TMEM182: variants seen among roughly 807,000 people sequenced by gnomAD.
TMEM182 encodes the protein transmembrane protein 182.
TMEM182 carries 20 observed loss-of-function variants against 26.8 expected under a neutral mutation model. That is an observed-to-expected ratio of 0.75 (90% confidence interval 0.53 to 1.09). The LOEUF (loss-of-function observed/expected upper bound fraction) is 1.09, where lower values mean the gene tolerates loss of function less well. Ranked by LOEUF, TMEM182 falls within the 50% of genes least tolerant of loss-of-function variation. TMEM182 has a pLI of 0.00. For missense variants in TMEM182, 277 were observed against 275.5 expected, an observed-to-expected ratio of 1.01 and a Z score of -0.04; for synonymous variants, 109 against 102.2, an observed-to-expected ratio of 1.07 and a Z score of -0.40.
chr2:102,792,038 G>GTA (rs1255435337), intron 3 of TMEM182, among the ~76,000 whole-genome samples: 3 of 93,774 alleles, frequency 3.2e-5, no homozygotes, highest in East Asian at 4.8e-4. Context: ...TTATATGTGT[G>GTA]TATACACACA....
intron 3 of TMEM182, among the ~76,000 whole-genome samples, chr2:102,771,302 A>G (rs1052706966): frequency 6.6e-6 from 1 of 152,186 alleles, no homozygotes; most frequent in African/African-American, 2.4e-5. Context: ...ACACAGTATC[A>G]CGTTACAGGA....
chr2:102,762,510 TA>T, intron 1 of TMEM182, 76 bp from the exon 2 acceptor site: 1 of 1,550,048 alleles, frequency 6.5e-7, no homozygotes, highest in Admixed American at 1.9e-5. Context: ...TACATGTCCT[TA>T]AAAATTTACT....
rs537084535 is a variant in TMEM182 at position 102,806,659 on chromosome 2, T to TTAA, written c.470-8070_470-8068dup. Reference sequence around the variant, plus strand: ...CATTAGCAGGAGCTCGTGCCAAAGCTTAATAATAATAATAATAATAACAAA... The same window carrying TTAA: ...CATTAGCAGGAGCTCGTGCCAAAGCTTAATAATAATAATAATAATAATAACAAA... On this transcript the variant is annotated intron_variant, in intron 4 of 4. Transcript: ENST00000412401. Among the ~76,000 whole-genome samples, 120 of 151,962 alleles carry TTAA rather than the reference T, an allele frequency of 7.9e-4. 1 individual carries two copies. The highest frequency in any genetic ancestry group is 4.8e-3 in the East Asian group (25 of 5,176).
At chr2:102,764,176 TTCC>T (rs947513320) in intron 2 of TMEM182, among the ~76,000 whole-genome samples, 150 bp from the exon 3 acceptor site, 2 of 152,224 alleles carry the variant, frequency 1.3e-5, no homozygotes, top group African/African-American at 4.8e-5. Context: ...CTAGAAGGCC[TTCC>T]TCCTCACAAC....
chr2:102,837,373 G>A lies in TMEM182; in HGVS notation c.326-6039G>A, dbSNP rs138381453. ...AGAGAAGAAAAGCATGAACAGCAAA[G>A]CATTGACTAGATTCTACCGATACAT... On this transcript the variant is annotated intron_variant, in intron 3 of 3. Transcript: ENST00000486293. Among the ~76,000 whole-genome samples the A allele has an allele frequency of 7.0e-3, 1,070 of 152,308 alleles. 13 individuals are homozygous for A. Among genetic ancestry groups the A allele is most frequent in the African/African-American group, 0.025 (1,027 of 41,564 alleles).
At chr2:102,818,758 C>CTATCTATG (rs10631831), downstream of TMEM182, among the ~76,000 whole-genome samples, 21,695 of 151,800 alleles carry the variant, frequency 0.14, 1,653 homozygotes, top group South Asian at 0.23. Context: ...ATCTATCTAT[C>CTATCTATG]TATCTATCTA....
rs369097269 is a variant in TMEM182 at position 102,789,268 on chromosome 2, T to G, written c.332-8595T>G. ...CAAGTTTTGAAAAATGAATAACACT[T>G]AAGTTTATCTTTAAGCTGCAAATAA... On this transcript the variant is annotated intron_variant, in intron 3 of 4. Transcript: ENST00000412401. Among the ~76,000 whole-genome samples, 3 of 152,308 alleles carry G rather than the reference T, an allele frequency of 2.0e-5. No homozygotes were observed. In the East Asian group the frequency reaches 5.8e-4, roughly 29 times the overall value.
chr2:102,832,708 G>A (rs1288961873), intron 3 of TMEM182, among the ~76,000 whole-genome samples: 1 of 152,094 alleles, frequency 6.6e-6, no homozygotes, highest in Non-Finnish European at 1.5e-5. Context: ...CTTTCACCTT[G>A]GAAAATATAT....
intron 1 of TMEM182, among the ~76,000 whole-genome samples, chr2:102,754,800 ATAACGTGACT>A (rs1679984268): frequency 6.6e-6 from 1 of 152,230 alleles, no homozygotes; most frequent in African/African-American, 2.4e-5. Context: ...TGATCACTTA[ATAACGTGACT>A]TGAGATTTCT....
At chr2:102,751,584 T>C (rs1353190422) in intron 1 of TMEM182, among the ~76,000 whole-genome samples, 6 of 152,192 alleles carry the variant, frequency 3.9e-5, no homozygotes, top group African/African-American at 1.4e-4. Flanking sequence ...AAAATGATTT[T>C]GGGGCTGCTT....
chr2:102,788,844 C>T (rs954628222), intron 3 of TMEM182, among the ~76,000 whole-genome samples: 2 of 152,146 alleles, frequency 1.3e-5, no homozygotes, highest in African/African-American at 2.4e-5. Flanking sequence ...GAGTTCTTAG[C>T]GTCCAGAAAA....
chr2:102,815,570 CA>C lies in TMEM182; in HGVS notation c.*603del, dbSNP rs1682713849. The stretch of plus-strand genomic sequence containing the variant: ...TGTACTTATCTTGCTTTTTCACCAA[CA>C]GTGGTTTGGTTACCTAGTTTTATTC... On this transcript the variant is annotated 3_prime_UTR_variant, in exon 5 of 5. Transcript: ENST00000412401. The C allele has an allele frequency of 1.0e-6, 1 of 985,346 alleles. No homozygotes were observed. The highest frequency in any genetic ancestry group is 1.2e-6 in the Non-Finnish European group (1 of 829,950). 61.0% of individuals were successfully genotyped at this position (985,346 alleles called of 1,614,324 possible). A position where few individuals can be genotyped will look rare whatever the true frequency, so the allele number is the denominator to read the frequency against.
intron 4 of TMEM182, among the ~76,000 whole-genome samples, chr2:102,804,021 C>G (rs558905002): frequency 1.3e-5 from 2 of 152,354 alleles, no homozygotes; most frequent in East Asian, 3.9e-4. Flanking sequence ...TGTGAGAGAT[C>G]TGGGCTATAA....
Position 102,815,925 on chromosome 2 carries a change from A to G in TMEM182, c.*957A>G, listed in dbSNP as rs1409289337. The G allele has an allele frequency of 4.1e-6, 4 of 975,304 alleles. No homozygotes were observed. The highest frequency in any genetic ancestry group is 1.1e-4 in the East Asian group (1 of 8,764). The allele number at this position is 975,304 out of a possible 1,614,324, so 60.4% of individuals were successfully genotyped here. A position where few individuals can be genotyped will look rare whatever the true frequency, so the allele number is the denominator to read the frequency against. On this transcript the variant is annotated 3_prime_UTR_variant, in exon 5 of 5. Transcript: ENST00000412401. The stretch of plus-strand genomic sequence containing the variant: ...TAATAGCCCTGCTTTATTAAAGACC[A>G]TAAAATATTAACTTTCCCCAAGATG...
chr2:102,813,389 G>A (rs1019580203), intron 4 of TMEM182, among the ~76,000 whole-genome samples: 3 of 152,192 alleles, frequency 2.0e-5, no homozygotes, highest in African/African-American at 2.4e-5. Context: ...CCTAGTCTCA[G>A]ACTTGCATTT....
At position 102,762,297 on chromosome 2, in the gene TMEM182, C is replaced by T. The variant is rs767689957; in HGVS notation, c.80C>T (p.Ser27Leu). 23 of 1,613,622 alleles carry T rather than the reference C, an allele frequency of 1.4e-5. No homozygotes were observed. Among genetic ancestry groups the T allele is most frequent in the Non-Finnish European group, 1.9e-5 (23 of 1,179,902 alleles). ...TTACTCTTTTTGGTGGCTTTTGGAT[C>T]GGATTATTGGCTTCTTGCAACTGAA... Reference protein sequence around the residue: ...GVLLFLVAFGSDYWLLATEVG... With the variant: ...GVLLFLVAFGLDYWLLATEVG... The change falls in exon 1 of 5, where the codon TCG becomes TTG. Residue 27 changes from serine (S) to leucine (L), a missense_variant. Coordinates refer to ENST00000412401, the MANE Select transcript of TMEM182 (RefSeq NM_144632.5).
At chr2:102,792,985 C>T (rs1294834655) in intron 3 of TMEM182, among the ~76,000 whole-genome samples, 1 of 152,144 alleles carries the variant, frequency 6.6e-6, no homozygotes, top group Non-Finnish European at 1.5e-5. Context: ...TCTTGCATCC[C>T]CTCCACTGCC....
rs1682718186 is a variant in TMEM182 at position 102,815,728 on chromosome 2, T to G, written c.*760T>G. 1.0e-6 allele frequency: 1 copy of G among 963,100 alleles called. No individual in the cohort carries two copies. The highest frequency in any genetic ancestry group is 1.8e-5 in the African/African-American group (1 of 56,850). The allele number at this position is 963,100 out of a possible 1,614,324, so 59.7% of individuals were successfully genotyped here. ...GTTAATTGTATAATGTAATATTGTT[T>G]AAAATATGTAAAAACCAAGCATTTC... is the stretch of plus-strand genomic sequence containing the variant. On this transcript the variant is annotated 3_prime_UTR_variant, in exon 5 of 5. Coordinates refer to ENST00000412401, the MANE Select transcript of TMEM182 (RefSeq NM_144632.5).
chr2:102,824,048 GT>G (rs1682981561), intron 3 of TMEM182, among the ~76,000 whole-genome samples: 1 of 152,188 alleles, frequency 6.6e-6, no homozygotes, highest in Admixed American at 6.5e-5. Context: ...CAGAAAGAGG[GT>G]TTTAAAAATG....
Sources: allele counts gnomAD v4.1 joint callset (sites outside exome capture counted in the v4.1 genomes callset), GRCh38; gene constraint gnomAD v4.1.1; transcripts MANE v1.5; gene names NCBI Gene and HGNC (gene_info 2026-07-23, HGNC 2026-07-21).